PPFIA1: variants seen among roughly 807,000 people sequenced by gnomAD.
PPFIA1 encodes the protein liprin-alpha-1.
A neutral mutation model predicts 149.9 loss-of-function variants in PPFIA1; 25 were observed. The observed-to-expected ratio is 0.17, with a 90% CI of 0.12 to 0.23. The LOEUF (loss-of-function observed/expected upper bound fraction) is 0.23. Ranked by LOEUF, PPFIA1 falls within the 10% of genes least tolerant of loss-of-function variation. The probability of loss-of-function intolerance (pLI) is 1.00; values close to 1 mark genes in which losing one functional copy is unlikely to be tolerated. For missense variants in PPFIA1, 1,362 were observed against 1,506.5 expected (o/e 0.90, Z 1.59); for synonymous variants, 549 against 552.8 (o/e 0.99, Z 0.10).
At chr11:70,360,643 C>T (rs1404609911) in intron 19 of PPFIA1, among the ~76,000 whole-genome samples, 1 of 152,272 alleles carries the variant, frequency 6.6e-6, no homozygotes, top group Non-Finnish European at 1.5e-5. Flanking sequence ...GTTTCAGCCA[C>T]CACCTGGTGA....
chr11:70,327,338 T>C (rs943408469), intron 7 of PPFIA1: 1 of 153,712 alleles, frequency 6.5e-6, no homozygotes, highest in African/African-American at 2.4e-5. Context: ...TTCAAGGAAT[T>C]TGTGGCGTTG....
intron 23 of PPFIA1, 100 bp from the exon 24 acceptor site, chr11:70,374,818 T>G: frequency 8.9e-7 from 1 of 1,127,348 alleles, no homozygotes; most frequent in Non-Finnish European, 1.3e-6. Flanking sequence ...AGCCGAAGGA[T>G]TAGGAACCAT....
chr11:70,305,311 A>G (rs2052775808), intron 2 of PPFIA1, among the ~76,000 whole-genome samples: 1 of 152,328 alleles, frequency 6.6e-6, no homozygotes, highest in South Asian at 2.1e-4. Flanking sequence ...CTTGTTAGAT[A>G]CAGTAACTTA....
At chr11:70,276,980 G>GT (rs2050413252) in intron 2 of PPFIA1, among the ~76,000 whole-genome samples, 1 of 89,686 alleles carries the variant, frequency 1.1e-5, no homozygotes, top group African/African-American at 4.4e-5. Flanking sequence ...ACTTACATTT[G>GT]TTTTCTATTG....
At chr11:70,278,331 C>CA (rs2050543335) in intron 2 of PPFIA1, among the ~76,000 whole-genome samples, 1 of 152,258 alleles carries the variant, frequency 6.6e-6, no homozygotes, top group African/African-American at 2.4e-5. Context: ...CCACTGTGCC[C>CA]AATTTGCCTT....
chr11:70,376,236 G>A (rs1458669067), intron 24 of PPFIA1, among the ~76,000 whole-genome samples: 2 of 152,190 alleles, frequency 1.3e-5, no homozygotes, highest in African/African-American at 4.8e-5. Flanking sequence ...TGATCTGCCT[G>A]TCTCGGCCTC....
intron 14 of PPFIA1, among the ~76,000 whole-genome samples, 172 bp from the exon 15 acceptor site, chr11:70,343,497 C>T (rs781466532): frequency 1.3e-5 from 2 of 152,204 alleles, no homozygotes; most frequent in African/African-American, 4.8e-5. Context: ...GATTGTTGCC[C>T]TCCCCAATTT....
chr11:70,282,616 C>T (rs1172825664), intron 2 of PPFIA1, among the ~76,000 whole-genome samples: 4 of 145,310 alleles, frequency 2.8e-5, no homozygotes, highest in African/African-American at 7.6e-5. Context: ...GCAAGCTCCA[C>T]CCCCTGGGTT....
chr11:70,293,939 T>A (rs2051709090), intron 2 of PPFIA1, among the ~76,000 whole-genome samples: 1 of 119,368 alleles, frequency 8.4e-6, no homozygotes, highest in Non-Finnish European at 1.7e-5. Flanking sequence ...TCTCTCTCTC[T>A]CTCTTTTTTT....
At chr11:70,368,187 G>A (rs2057051914) in intron 21 of PPFIA1, among the ~76,000 whole-genome samples, 1 of 152,144 alleles carries the variant, frequency 6.6e-6, no homozygotes, top group East Asian at 1.9e-4. Flanking sequence ...TTAGAAGAGT[G>A]AATCAAGCAT....
chr11:70,319,639 C>T (rs557591250), intron 2 of PPFIA1, among the ~76,000 whole-genome samples: 1 of 152,236 alleles, frequency 6.6e-6, no homozygotes, highest in African/African-American at 2.4e-5. Context: ...ACCAGTTTTG[C>T]CCCATTTTCT....
intron 2 of PPFIA1, among the ~76,000 whole-genome samples, chr11:70,274,973 G>T (rs1565327975): frequency 6.6e-6 from 1 of 152,228 alleles, no homozygotes; most frequent in African/African-American, 2.4e-5. Context: ...CTACAAAGAA[G>T]TGGAATGCAA....
chr11:70,355,735 G>A lies in PPFIA1; in HGVS notation c.2412G>A (p.Lys804=). The change falls in exon 18 of 28, where the codon AAG becomes AAA. Residue 804 remains lysine (K), a synonymous_variant. Coordinates refer to ENST00000253925, the MANE Select transcript of PPFIA1 (RefSeq NM_003626.5). ...AAGCCCCAAAGAAGAAAGGCATTAA[G>A]TCCTCCATTGGCCGCTTGTTTGGCA... ...LHKAPKKKGI[K]SSIGRLFGKK... The A allele has an allele frequency of 6.2e-7, 1 of 1,614,164 alleles. No homozygotes were observed. The highest frequency in any genetic ancestry group is 8.5e-7 in the Non-Finnish European group (1 of 1,180,032).
chr11:70,358,253 ACT>A (rs2137415034), intron 19 of PPFIA1: 1 of 152,184 alleles, frequency 6.6e-6, no homozygotes, highest in East Asian at 1.9e-4. Flanking sequence ...GAAGTCCCTC[ACT>A]CTGTCGCCCA....
chr11:70,333,130 G>A (rs1225964760), intron 9 of PPFIA1: 1 of 478,982 alleles, frequency 2.1e-6, no homozygotes, highest in South Asian at 1.5e-5. Context: ...GCTTGTGCTT[G>A]CCGCTGCTTT....
In PPFIA1 at chr11:70,360,061, G is replaced by A. The variant is rs371658002; in HGVS notation, c.2583-2034G>A. ...CATGGACTGGTCTGATAGGGGAGGG[G>A]AGCCAGGACACACACCGAGGCCTGG... On this transcript the variant is annotated intron_variant, in intron 19 of 27. Transcript: ENST00000253925. Among the ~76,000 whole-genome samples the A allele has an allele frequency of 1.2e-4, 18 of 152,352 alleles. No homozygotes were observed. In the East Asian group the frequency reaches 3.5e-3, roughly 29 times the overall value.
At chr11:70,284,052 A>G (rs2050942629) in intron 2 of PPFIA1, 1 of 522,606 alleles carries the variant, frequency 1.9e-6, no homozygotes. Context: ...CTTCAACCTA[A>G]TATGATGCAA....
At chr11:70,339,121 T>G in intron 13 of PPFIA1, 50 bp from the exon 14 acceptor site, 1 of 1,602,826 alleles carries the variant, frequency 6.2e-7, no homozygotes, top group East Asian at 2.2e-5. Context: ...TAAAAGAGAG[T>G]TTATTTTCTT....
intron 15 of PPFIA1, among the ~76,000 whole-genome samples, chr11:70,347,363 C>A (rs1332495787): frequency 6.6e-6 from 1 of 152,136 alleles, no homozygotes; most frequent in African/African-American, 2.4e-5. Flanking sequence ...CAACAAGACT[C>A]AATGGAAGGT....
Sources: allele counts gnomAD v4.1 joint callset (sites outside exome capture counted in the v4.1 genomes callset), GRCh38; gene constraint gnomAD v4.1.1; transcripts MANE v1.5; gene names NCBI Gene and HGNC (gene_info 2026-07-23, HGNC 2026-07-21).